GNAS: variants seen among roughly 807,000 people sequenced by gnomAD.
The protein encoded by GNAS is GNAS complex locus, also known as protein ALEX.
In GNAS, 8 loss-of-function variants were observed where a neutral mutation model predicts 54.5. That is an observed-to-expected ratio of 0.15 (90% CI 0.09 to 0.26). The LOEUF is 0.26. Among genes scored for constraint, GNAS ranks in the 10% least tolerant of loss-of-function variants. GNAS has a pLI of 1.00. For synonymous variants in GNAS, 204 were observed against 191.4 expected, an observed-to-expected ratio of 1.07 and a Z score of -0.54; for missense variants, 170 against 529.8, an observed-to-expected ratio of 0.32 and a Z score of 6.67.
rs1367169402 is a variant in GNAS, at chr20:58,891,453, T to G, written c.-274T>G. ...CCCGCAGCTCCTGCTCTGGTCCGCC[T>G]CGGCCCGGCGGCGGCCATCAGCCCC... On this transcript the variant is annotated 5_prime_UTR_variant, in exon 1 of 13. Transcript: ENST00000371085. 1.4e-6 allele frequency: 1 copy of G among 704,706 alleles called. No individual in the cohort carries two copies. Among genetic ancestry groups the G allele is most frequent in the East Asian group, 1.5e-4 (1 of 6,800 alleles). 43.7% of individuals were successfully genotyped at this position (704,706 alleles called of 1,614,324 possible).
At chr20:58,840,253 C>T (rs772464689), upstream of GNAS, 5 of 1,611,362 alleles carry the variant, frequency 3.1e-6, no homozygotes, top group Non-Finnish European at 3.4e-6. The surrounding 1 kb of genome is among the most constrained non-coding windows in gnomAD (Gnocchi z 6.0). Flanking sequence ...CCACCTCCAA[C>T]GCCCGTGCCC....
intron 1 of GNAS, chr20:58,855,672 C>CCCGGGGCCCCGGGACTCCCCTGGCTAG: frequency 1.5e-6 from 1 of 687,336 alleles, no homozygotes; most frequent in South Asian, 1.6e-5. Context: ...GGGGAGGGGC[C>CCCGGGGCCCCGGGACTCCCCTGGCTAG]CCGGGGCCCC....
upstream of GNAS, chr20:58,840,365 G>T (rs942246524): frequency 2.5e-6 from 4 of 1,613,344 alleles, no homozygotes; most frequent in South Asian, 1.1e-5. The surrounding 1 kb of genome is among the most constrained non-coding windows in gnomAD (Gnocchi z 6.0). Flanking sequence ...ATCTGACCAC[G>T]AGCACGAGGA....
At chr20:58,874,246 T>C (rs890698880) in intron 1 of GNAS, among the ~76,000 whole-genome samples, 1 of 152,204 alleles carries the variant, frequency 6.6e-6, no homozygotes, top group Non-Finnish European at 1.5e-5. Flanking sequence ...GAGGAGGCAG[T>C]CTTGCTTCCA....
At position 58,841,000 on chromosome 20, in the gene GNAS, A is replaced by G; in HGVS notation, c.43+114A>G. On this transcript the variant is annotated intron_variant, in intron 1 of 12. Coordinates refer to the GNAS transcript ENST00000306090. The surrounding 1 kb of genome is among the most constrained non-coding windows in gnomAD (Gnocchi z 6.0). ...GGGCGAGTGGGAAGAGAGGAGGCTC[A>G]GCTGGTCAGCCTGGGATCGGGGGTC... The G allele has an allele frequency of 8.4e-7, 1 of 1,190,360 alleles. No homozygotes were observed. Among genetic ancestry groups the G allele is most frequent in the Non-Finnish European group, 1.2e-6 (1 of 830,558 alleles). The allele number at this position is 1,190,360 out of a possible 1,614,324, so 73.7% of individuals were successfully genotyped here. A position where few individuals can be genotyped will look rare whatever the true frequency, so the allele number is the denominator to read the frequency against.
upstream of GNAS, among the ~76,000 whole-genome samples, chr20:58,891,120 C>A (rs888109250): frequency 6.7e-6 from 1 of 148,686 alleles, no homozygotes; most frequent in South Asian, 2.1e-4. Context: ...GGCTGCTGCC[C>A]GAGCCCGGGG....
intron 1 of GNAS, among the ~76,000 whole-genome samples, chr20:58,877,334 C>G (rs1369346987): frequency 6.6e-6 from 1 of 151,942 alleles, no homozygotes; most frequent in Non-Finnish European, 1.5e-5. Flanking sequence ...TCTGTGGGGG[C>G]CCAGGACTAG....
At chr20:58,864,378 T>G (rs1331023778) in intron 1 of GNAS, among the ~76,000 whole-genome samples, 2 of 152,164 alleles carry the variant, frequency 1.3e-5, no homozygotes, top group Non-Finnish European at 2.9e-5. Flanking sequence ...TCTTAGGAAG[T>G]GTCCATCCTA....
Position 58,854,507 on chromosome 20 carries a change from GACA to G in GNAS, c.43+13622_43+13624del. The G allele has an allele frequency of 3.2e-6, 5 of 1,575,080 alleles. No individual in the cohort carries two copies. The African/African-American group carries it at 4.2e-5, about 13-fold the overall frequency. ...CAACCCCAGAAGATCCCGACTCCGG[GACA>G]GCACCAGCCGATCCTGACTCCGGGG... On this transcript the variant is annotated intron_variant, in intron 1 of 12. Coordinates refer to the GNAS transcript ENST00000306090.
chr20:58,892,006 G>T (rs2089434250), intron 1 of GNAS, 141 bp downstream of exon 1: 3 of 781,242 alleles, frequency 3.8e-6, no homozygotes, highest in Non-Finnish European at 4.7e-6. Flanking sequence ...TCTGTGGGGG[G>T]CGAGGCCGGA....
At chr20:58,903,354 G>A (rs1477808451) in intron 3 of GNAS, 177 bp from the exon 4 acceptor site, 2 of 703,610 alleles carry the variant, frequency 2.8e-6, no homozygotes, top group African/African-American at 3.5e-5. Flanking sequence ...GCACATTTGG[G>A]AGGTTATAAT....
chr20:58,855,453 G>A (rs1037050969), intron 1 of GNAS: 5 of 930,430 alleles, frequency 5.4e-6, no homozygotes, highest in South Asian at 2.8e-5. Flanking sequence ...AGCCAAAGGC[G>A]GGAAGAACTT....
chr20:58,841,984 T>C lies in GNAS; in HGVS notation c.43+1098T>C. On this transcript the variant is annotated intron_variant, in intron 1 of 12. Transcript: ENST00000306090. The surrounding 1 kb of genome is among the most constrained non-coding windows in gnomAD (Gnocchi z 5.0). The stretch of plus-strand genomic sequence containing the variant: ...TACGCGCAGAGCTGGGGAAAGGTGT[T>C]GGATCCGGCGCCAGTCCTTGGACGA... 7.0e-6 allele frequency: 7 copies of C among 996,672 alleles called. No individual in the cohort carries two copies. The highest frequency in any genetic ancestry group is 9.1e-6 in the Non-Finnish European group (7 of 773,070). The allele number at this position is 996,672 out of a possible 1,614,324, so 61.7% of individuals were successfully genotyped here.
intron 1 of GNAS, among the ~76,000 whole-genome samples, chr20:58,885,625 A>T (rs1404107669): frequency 6.6e-6 from 1 of 152,268 alleles, no homozygotes; most frequent in African/African-American, 2.4e-5. Flanking sequence ...GACAAGAAAA[A>T]AAAATGTCCT....
At chr20:58,883,630 G>A (rs955660045) in intron 1 of GNAS, among the ~76,000 whole-genome samples, 5 of 152,214 alleles carry the variant, frequency 3.3e-5, no homozygotes, top group East Asian at 1.9e-4. Flanking sequence ...GCTCCTGACA[G>A]GCCAGTGAGA....
intron 3 of GNAS, among the ~76,000 whole-genome samples, chr20:58,902,752 T>TTTTTC (rs1416078298): frequency 7.8e-6 from 1 of 128,204 alleles, no homozygotes; most frequent in Non-Finnish European, 1.7e-5. Flanking sequence ...TTTTTTTTTT[T>TTTTTC]TGACAGAGTC....
intron 1 of GNAS, among the ~76,000 whole-genome samples, chr20:58,845,213 G>A (rs79820260): frequency 0.042 from 6,419 of 152,254 alleles, 214 homozygotes; most frequent in African/African-American, 0.085. Context: ...CACAAGTGCT[G>A]TTGAAAGTTT....
intron 1 of GNAS, among the ~76,000 whole-genome samples, chr20:58,846,939 T>A (rs951178860): frequency 2.2e-4 from 33 of 152,296 alleles, no homozygotes; most frequent in African/African-American, 7.0e-4. Flanking sequence ...CAACCCCCAC[T>A]TTTGCCTCTC....
chr20:58,858,005 A>G (rs556056810), intron 1 of GNAS, among the ~76,000 whole-genome samples: 14 of 152,250 alleles, frequency 9.2e-5, no homozygotes, highest in African/African-American at 3.4e-4. Flanking sequence ...CTGCTAGCTG[A>G]AACTGTACCA....
Sources: allele counts gnomAD v4.1 joint callset (sites outside exome capture counted in the v4.1 genomes callset), GRCh38; gene constraint gnomAD v4.1.1; non-coding constraint Gnocchi (gnomAD v3.1); transcripts MANE v1.5; gene names NCBI Gene and HGNC (gene_info 2026-07-23, HGNC 2026-07-21).